Variants in H2AZ1 observed in about 807,000 individuals in gnomAD.
The protein encoded by H2AZ1 is histone H2A.Z.
H2AZ1 carries 3 observed loss-of-function variants against 16.6 expected under a neutral mutation model. The observed-to-expected ratio is 0.18, with a 90% CI of 0.08 to 0.47. H2AZ1 has a LOEUF of 0.47. Among genes scored for constraint, H2AZ1 ranks in the 20% least tolerant of loss-of-function variants. The pLI is 0.98. For missense variants in H2AZ1, 27 were observed against 163.6 expected, an observed-to-expected ratio of 0.17 and a Z score of 4.55; for synonymous variants, 78 against 60.7, an observed-to-expected ratio of 1.28 and a Z score of -1.32.
intron 3 of H2AZ1, 88 bp downstream of exon 3, chr4:99,949,185 G>T: frequency 1.3e-6 from 1 of 785,280 alleles, no homozygotes; most frequent in East Asian, 2.6e-5. Context: ...CAGGGCCTGG[G>T]AGTTTTCTTG....
intron 3 of H2AZ1, 85 bp downstream of exon 3, chr4:99,949,188 T>C: frequency 1.2e-6 from 1 of 805,762 alleles, no homozygotes; most frequent in Non-Finnish European, 2.0e-6. Context: ...GGCCTGGGAG[T>C]TTTCTTGCAT....
rs1727181827 is a variant in H2AZ1 at position 99,948,303 on chromosome 4, G to A, written c.*159C>T. The A allele has an allele frequency of 1.4e-6, 1 of 724,810 alleles. No individual in the cohort carries two copies. Among genetic ancestry groups the A allele is most frequent in the Non-Finnish European group, 2.6e-6 (1 of 391,766 alleles). 44.9% of individuals were successfully genotyped at this position (724,810 alleles called of 1,614,324 possible). ...GGTTAAGACTCGAATGCAGAAATTT[G>A]GTTGGTTGGAAAGCTAATTAAACTT... On this transcript the variant is annotated 3_prime_UTR_variant, in exon 5 of 5. Coordinates refer to ENST00000296417, the MANE Select transcript of H2AZ1 (RefSeq NM_002106.4).
chr4:99,949,369 A>G lies in H2AZ1; in HGVS notation c.99T>C (p.Ile33=). The G allele has an allele frequency of 6.2e-7, 1 of 1,607,560 alleles. No homozygotes were observed. The highest frequency in any genetic ancestry group is 8.5e-7 in the Non-Finnish European group (1 of 1,174,228). ...TCGTCCTAGATTTTAGGTGTCGATG[A>G]ATACGGCCCACTGGGAACTTAAATT... ...RAGLQFPVGR[I]HRHLKSRTTS... The change falls in exon 3 of 5, where the codon ATT becomes ATC. Residue 33 remains isoleucine, a synonymous_variant. Transcript: ENST00000296417.
intron 1 of H2AZ1, 74 bp downstream of exon 1, chr4:99,950,094 A>G: frequency 6.7e-7 from 1 of 1,482,832 alleles, no homozygotes. Flanking sequence ...CTTCACCCCC[A>G]TCCCTCTGTG....
At chr4:99,948,644 T>A (rs1727197525) in intron 4 of H2AZ1, 121 bp from the exon 5 acceptor site, 1 of 1,494,324 alleles carries the variant, frequency 6.7e-7, no homozygotes, top group Non-Finnish European at 9.0e-7. Context: ...AGCTCAAGTA[T>A]GAAGTAAAAA....
chr4:99,949,544 A>G (rs761605091), intron 2 of H2AZ1, 119 bp downstream of exon 2: 1 of 1,070,892 alleles, frequency 9.3e-7, no homozygotes, highest in Non-Finnish European at 1.5e-6. Flanking sequence ...TGGGCAGCCC[A>G]AGTCGCGACA....
At position 99,948,438 on chromosome 4, in the gene H2AZ1, G is replaced by A. The variant is rs775895608; in HGVS notation, c.*24C>T. ...GCTGTTAGAGTATTTAGAGTCCTGA[G>A]ATAACAAGGAATCCAGGCATCCTTT... is the stretch of plus-strand genomic sequence containing the variant. On this transcript the variant is annotated 3_prime_UTR_variant, in exon 5 of 5. Coordinates refer to ENST00000296417, the MANE Select transcript of H2AZ1 (RefSeq NM_002106.4). 2 of 1,251,076 alleles carry A rather than the reference G, an allele frequency of 1.6e-6. No individual in the cohort carries two copies. The highest frequency in any genetic ancestry group is 1.5e-5 in the African/African-American group (1 of 68,212). 77.5% of individuals were successfully genotyped at this position (1,251,076 alleles called of 1,614,324 possible). A position where few individuals can be genotyped will look rare whatever the true frequency, so the allele number is the denominator to read the frequency against.
Position 99,948,351 on chromosome 4 carries a change from C to G in H2AZ1, c.*111G>C. The G allele has an allele frequency of 2.5e-6, 2 of 798,548 alleles. No individual in the cohort carries two copies. The highest frequency in any genetic ancestry group is 4.5e-6 in the Non-Finnish European group (2 of 446,516). 49.5% of individuals were successfully genotyped at this position (798,548 alleles called of 1,614,324 possible). On this transcript the variant is annotated 3_prime_UTR_variant, in exon 5 of 5. Transcript: ENST00000296417. ...CTTCCAACTTGCTCAAATAGAATTACAAAAAGGCAAAATTGTGTTTTTCAC... is the reference window on the plus strand; with the variant it reads ...CTTCCAACTTGCTCAAATAGAATTAGAAAAAGGCAAAATTGTGTTTTTCAC...
At chr4:99,949,827 T>C (rs994122842) in intron 1 of H2AZ1, 87 bp from the exon 2 acceptor site, 2 of 1,063,380 alleles carry the variant, frequency 1.9e-6, no homozygotes, top group Non-Finnish European at 1.3e-6. Flanking sequence ...CCGCGGCGCG[T>C]CCCGCCGCGA....
At position 99,949,372 on chromosome 4, in the gene H2AZ1, A is replaced by G; in HGVS notation, c.96T>C (p.Arg32=). 2 of 1,605,124 alleles carry G rather than the reference A, an allele frequency of 1.2e-6. No homozygotes were observed. Among genetic ancestry groups the G allele is most frequent in the Non-Finnish European group, 1.7e-6 (2 of 1,171,982 alleles). ...QRAGLQFPVG[R]IHRHLKSRTT... ...TCCTAGATTTTAGGTGTCGATGAAT[A>G]CGGCCCACTGGGAACTTAAATTTTA... Residue 32 remains arginine (R), a synonymous_variant, in exon 3 of 5, where the codon CGT becomes CGC. Transcript: ENST00000296417.
chr4:99,948,765 T>C, intron 4 of H2AZ1, 46 bp downstream of exon 4: 2 of 1,567,404 alleles, frequency 1.3e-6, no homozygotes, highest in Non-Finnish European at 1.7e-6. Flanking sequence ...CAGCAAAAAA[T>C]TCCTTCCTCT....
intron 1 of H2AZ1, 59 bp from the exon 2 acceptor site, chr4:99,949,799 C>T: frequency 1.5e-6 from 2 of 1,365,614 alleles, no homozygotes; most frequent in South Asian, 1.3e-5. Flanking sequence ...ATTACCAAGG[C>T]GGCGCGCCCA....
At position 99,950,243 on chromosome 4, in the gene H2AZ1, C is replaced by T; in HGVS notation, c.-73G>A. ...TCGGACCCACGGTGAGATCCCACCA[C>T]CTACTCCTTCGTCGCACCGCGATTC... On this transcript the variant is annotated 5_prime_UTR_variant, in exon 1 of 5. It adds an upstream start codon to the 5' untranslated region. Coordinates refer to ENST00000296417, the MANE Select transcript of H2AZ1 (RefSeq NM_002106.4). The T allele has an allele frequency of 7.0e-7, 1 of 1,431,696 alleles. No individual in the cohort carries two copies. The highest frequency in any genetic ancestry group is 9.7e-7 in the Non-Finnish European group (1 of 1,026,046). 88.7% of individuals were successfully genotyped at this position (1,431,696 alleles called of 1,614,324 possible). A position where few individuals can be genotyped will look rare whatever the true frequency, so the allele number is the denominator to read the frequency against.
Position 99,950,246 on chromosome 4 carries a change from A to C in H2AZ1, c.-76T>G. 1 of 1,408,164 alleles carries C rather than the reference A, an allele frequency of 7.1e-7. No homozygotes were observed. Among genetic ancestry groups the C allele is most frequent in the Non-Finnish European group, 9.9e-7 (1 of 1,006,426 alleles). The allele number at this position is 1,408,164 out of a possible 1,614,324, so 87.2% of individuals were successfully genotyped here. ...GACCCACGGTGAGATCCCACCACCT[A>C]CTCCTTCGTCGCACCGCGATTCAAA... On this transcript the variant is annotated 5_prime_UTR_variant, in exon 1 of 5. Transcript: ENST00000296417.
chr4:99,949,927 G>A (rs1290829119), intron 1 of H2AZ1, 187 bp from the exon 2 acceptor site: 2 of 196,890 alleles, frequency 1.0e-5, no homozygotes, highest in Non-Finnish European at 1.8e-5. Flanking sequence ...CGCTCGCCAC[G>A]GCCGCGCGCC....
At chr4:99,949,995 C>T (rs73832925) in intron 1 of H2AZ1, 173 bp downstream of exon 1, 110,963 of 446,102 alleles carry the variant, frequency 0.25, 15,150 homozygotes, top group African/African-American at 0.41. Context: ...CCGCCCGCCG[C>T]GAGATCCGAG....
At position 99,948,231 on chromosome 4, in the gene H2AZ1, ACTT is replaced by A; in HGVS notation, c.*228_*230del. The A allele has an allele frequency of 1.4e-6, 1 of 691,148 alleles. No homozygotes were observed. Among genetic ancestry groups the A allele is most frequent in the African/African-American group, 1.8e-5 (1 of 56,996 alleles). The allele number at this position is 691,148 out of a possible 1,614,324, so 42.8% of individuals were successfully genotyped here. On this transcript the variant is annotated 3_prime_UTR_variant, in exon 5 of 5. Coordinates refer to ENST00000296417, the MANE Select transcript of H2AZ1 (RefSeq NM_002106.4). ...ACAGTCAACTCAATCAAAACCCACT[ACTT>A]CAGAATCAATAGCTTCTTTGAAGCC...
chr4:99,950,000 T>G, intron 1 of H2AZ1, 168 bp downstream of exon 1: 1 of 518,280 alleles, frequency 1.9e-6, no homozygotes, highest in Non-Finnish European at 3.3e-6. Flanking sequence ...CGCCGCGAGA[T>G]CCGAGGCTGC....
Position 99,948,269 on chromosome 4 carries a change from C to T in H2AZ1, c.*193G>A. The stretch of plus-strand genomic sequence containing the variant: ...TAGCTTCTTTGAAGCCACAGTAACA[C>T]TTAAATATGGTTAAGACTCGAATGC... On this transcript the variant is annotated 3_prime_UTR_variant, in exon 5 of 5. Coordinates refer to ENST00000296417, the MANE Select transcript of H2AZ1 (RefSeq NM_002106.4). 1 of 717,438 alleles carries T rather than the reference C, an allele frequency of 1.4e-6. No individual in the cohort carries two copies. Among genetic ancestry groups the T allele is most frequent in the South Asian group, 1.5e-5 (1 of 67,776 alleles). 44.4% of individuals were successfully genotyped at this position (717,438 alleles called of 1,614,324 possible). A position where few individuals can be genotyped will look rare whatever the true frequency, so the allele number is the denominator to read the frequency against.
Sources: allele counts gnomAD v4.1 joint callset, GRCh38; gene constraint gnomAD v4.1.1; transcripts MANE v1.5; gene names NCBI Gene and HGNC (gene_info 2026-07-23, HGNC 2026-07-21).